XRCC6: variants seen among roughly 807,000 people sequenced by gnomAD.
XRCC6 encodes DNA repair protein Ku70.
In XRCC6, 5 loss-of-function variants were observed where a neutral mutation model predicts 65.7. The ratio of observed to expected loss-of-function variants is 0.08; its 90% CI spans 0.04 to 0.16. The LOEUF (loss-of-function observed/expected upper bound fraction) is 0.16. XRCC6 is among the 10% of genes least tolerant of loss of function. The pLI, the probability that XRCC6 is intolerant of heterozygous loss-of-function variation, is 1.00. For synonymous variants in XRCC6, 270 were observed against 270.6 expected, an observed-to-expected ratio of 1.00 and a Z score of 0.02; for missense variants, 447 against 738.1, an observed-to-expected ratio of 0.61 and a Z score of 4.57.
rs11557350 is a variant in XRCC6, at chr22:41,621,320, A to G, written c.-41A>G. On this transcript the variant is annotated 5_prime_UTR_variant, in exon 1 of 13. Coordinates refer to ENST00000360079, the MANE Select transcript of XRCC6 (RefSeq NM_001469.5). ...ATGCGTGGATTGTCGTCTTCTGTCC[A>G]AGTTGGTCGCTTCCCTGCGCCAAAG... 1 of 183,676 alleles carries G rather than the reference A, an allele frequency of 5.4e-6. No individual in the cohort carries two copies. The highest frequency in any genetic ancestry group is 1.1e-5 in the Non-Finnish European group (1 of 88,008). 11.4% of individuals were successfully genotyped at this position (183,676 alleles called of 1,614,324 possible). A position where few individuals can be genotyped will look rare whatever the true frequency, so the allele number is the denominator to read the frequency against.
chr22:41,637,925 A>C, intron 6 of XRCC6, 134 bp downstream of exon 6: 1 of 864,334 alleles, frequency 1.2e-6, no homozygotes. Context: ...AGGAGTTGAG[A>C]CCAGCTTGGG....
intron 2 of XRCC6, among the ~76,000 whole-genome samples, chr22:41,626,727 T>C (rs1391625405): frequency 6.8e-6 from 1 of 146,068 alleles, no homozygotes; most frequent in Non-Finnish European, 1.5e-5. Context: ...AAGCTCCCCC[T>C]CCCGGGTTCA....
At chr22:41,634,769 T>C (rs2067792074) in intron 3 of XRCC6, among the ~76,000 whole-genome samples, 1 of 149,962 alleles carries the variant, frequency 6.7e-6, no homozygotes, top group Non-Finnish European at 1.5e-5. Flanking sequence ...GGTCTCGAAC[T>C]CCTGACCTCG....
At chr22:41,651,521 A>T (rs8142745) in intron 8 of XRCC6, among the ~76,000 whole-genome samples, 103,673 of 145,380 alleles carry the variant, frequency 0.71, 38,025 homozygotes, top group Non-Finnish European at 0.82. Flanking sequence ...ATATATATAT[A>T]TTTTTTTAAT....
chr22:41,659,363 C>T (rs1356471465), intron 11 of XRCC6, among the ~76,000 whole-genome samples: 3 of 152,094 alleles, frequency 2.0e-5, no homozygotes, highest in Non-Finnish European at 4.4e-5. Flanking sequence ...GTGCCTGCCA[C>T]CAAGCCCGGT....
intron 6 of XRCC6, among the ~76,000 whole-genome samples, chr22:41,640,968 T>C (rs1418980036): frequency 6.6e-6 from 1 of 152,092 alleles, no homozygotes; most frequent in African/African-American, 2.4e-5. Context: ...CTTGGGTAGG[T>C]GCAGTGGCTC....
chr22:41,632,018 C>T (rs1471572810), intron 3 of XRCC6, among the ~76,000 whole-genome samples: 1 of 152,190 alleles, frequency 6.6e-6, no homozygotes, highest in Non-Finnish European at 1.5e-5. Context: ...ATCGCAGGTG[C>T]TCGGCAGGCT....
chr22:41,645,306 A>C (rs9611636), intron 6 of XRCC6, among the ~76,000 whole-genome samples: 36,143 of 151,614 alleles, frequency 0.24, 4,936 homozygotes, highest in Admixed American at 0.38. Flanking sequence ...TCTTTAAAAA[A>C]AAAAAACAAA....
chr22:41,647,156 T>TG, intron 7 of XRCC6, 74 bp downstream of exon 7: 1 of 1,514,940 alleles, frequency 6.6e-7, no homozygotes, highest in Non-Finnish European at 9.0e-7. Flanking sequence ...TGGAGTGCAG[T>TG]GGGGCGAACA....
chr22:41,622,178 C>T (rs2067615414), intron 2 of XRCC6, 92 bp downstream of exon 2: 1 of 1,286,580 alleles, frequency 7.8e-7, no homozygotes, highest in Admixed American at 2.0e-5. Flanking sequence ...GTTTGATGGC[C>T]TGCCCTTCTC....
chr22:41,657,880 G>C (rs1010407983), intron 10 of XRCC6, among the ~76,000 whole-genome samples: 1 of 152,008 alleles, frequency 6.6e-6, no homozygotes, highest in Admixed American at 6.6e-5. Context: ...CTGGAGTACC[G>C]TGGCACGATC....
At chr22:41,642,009 G>A (rs1601542165) in intron 6 of XRCC6, among the ~76,000 whole-genome samples, 1 of 152,172 alleles carries the variant, frequency 6.6e-6, no homozygotes, top group Admixed American at 6.5e-5. Context: ...GGCTAGTCTC[G>A]AACTCTGGAC....
chr22:41,651,180 C>T (rs539941292), intron 8 of XRCC6, among the ~76,000 whole-genome samples: 1 of 151,946 alleles, frequency 6.6e-6, no homozygotes, highest in Non-Finnish European at 1.5e-5. Flanking sequence ...CGCCTGTGAT[C>T]CCAGCTACCT....
At position 41,663,630 on chromosome 22, in the gene XRCC6, G is replaced by C; in HGVS notation, c.1645G>C (p.Gly549Arg). 6.2e-7 allele frequency: 1 copy of C among 1,612,068 alleles called. No individual in the cohort carries two copies. ...KVTKRKHDNE[G>R]SGSKRPKVEY... is the part of the protein sequence containing the mutation. ...CTGACCTTTCCCCCCAGATAATGAA[G>C]GTTCTGGAAGCAAAAGGCCCAAGGT... The change falls in exon 13 of 13, where the codon GGT (glycine) becomes CGT (arginine). Residue 549 changes from glycine (G) to arginine (R), a missense_variant. This residue lies in a region of XRCC6 where 201 missense variants were observed against 374.1 expected (regional missense o/e 0.54). Transcript: ENST00000360079.
At chr22:41,637,820 A>G (rs1292635978) in intron 6 of XRCC6, 29 bp downstream of exon 6, 1 of 1,605,380 alleles carries the variant, frequency 6.2e-7, no homozygotes, top group Admixed American at 1.7e-5. Context: ...TCAGCTGCCT[A>G]CACTGCCCTT....
chr22:41,649,160 A>ATGTATG (rs1555906726), intron 7 of XRCC6, among the ~76,000 whole-genome samples: 4 of 125,864 alleles, frequency 3.2e-5, no homozygotes, highest in African/African-American at 1.5e-4. Context: ...ATATATATAT[A>ATGTATG]TATGTATGTA....
In XRCC6 at chr22:41,636,724, C is replaced by T. The variant is rs896456972; in HGVS notation, c.543C>T (p.Ala181=). The T allele has an allele frequency of 1.9e-6, 3 of 1,614,140 alleles. No homozygotes were observed. The highest frequency in any genetic ancestry group is 3.3e-4 in the Middle Eastern group (2 of 6,062). The part of the protein sequence containing the change: ...NEDNPHGNDS[A]KASRARTKAG... ...ACAACCCCCATGGCAATGACAGTGC[C>T]AAAGCCAGCCGGGCCAGGACCAAAG... The change falls in exon 5 of 13, where the codon GCC becomes GCT. Residue 181 remains alanine (A), a synonymous_variant. Coordinates refer to ENST00000360079, the MANE Select transcript of XRCC6 (RefSeq NM_001469.5).
Position 41,622,076 on chromosome 22 carries a change from T to G in XRCC6, c.72T>G (p.Leu24=). 1 of 1,614,196 alleles carries G rather than the reference T, an allele frequency of 6.2e-7. No individual in the cohort carries two copies. The highest frequency in any genetic ancestry group is 1.3e-5 in the African/African-American group (1 of 75,052). The change falls in exon 2 of 13, where the codon CTT becomes CTG. Residue 24 remains leucine, a synonymous_variant. Coordinates refer to ENST00000360079, the MANE Select transcript of XRCC6 (RefSeq NM_001469.5). Reference sequence around the variant, plus strand: ...CAGAGGAAGAACAAGAAGAGAACCTTGAAGCAAGTGGTAAGTGACTTCAGC... The same window carrying G: ...CAGAGGAAGAACAAGAAGAGAACCTGGAAGCAAGTGGTAAGTGACTTCAGC... The part of the protein sequence containing the change: ...EEAEEEQEEN[L]EASGDYKYSG...
At chr22:41,649,573 G>A (rs912935831) in intron 7 of XRCC6, among the ~76,000 whole-genome samples, 1 of 152,044 alleles carries the variant, frequency 6.6e-6, no homozygotes, top group African/African-American at 2.4e-5. Context: ...TAGATGTGGT[G>A]GCCGGGTGCG....
Sources: gnomAD v4.1 joint callset for allele counts (sites outside exome capture counted in the v4.1 genomes callset) on GRCh38, gnomAD v4.1.1 for gene constraint, gnomAD v4.1.1 regional missense constraint, MANE v1.5 for transcripts, NCBI Gene and HGNC (gene_info 2026-07-23, HGNC 2026-07-21) for gene names.